The following SZT2 variants were observed in gnomAD, a reference collection of about 807,000 sequenced individuals.
SZT2 encodes KICSTOR complex protein SZT2.
In SZT2, 216 loss-of-function variants were observed where a neutral mutation model predicts 404.2. The ratio of observed to expected loss-of-function variants is 0.53; its 90% CI spans 0.48 to 0.60. The LOEUF (loss-of-function observed/expected upper bound fraction) is 0.60, where lower values mean the gene tolerates loss of function less well. SZT2 is among the 20% of genes least tolerant of loss of function. The pLI, the probability that SZT2 is intolerant of heterozygous loss-of-function variation, is 0.00. For missense variants in SZT2, 3,857 were observed against 4,459.2 expected (o/e 0.86, Z 3.85); for synonymous variants, 1,693 against 1,749.9 (o/e 0.97, Z 0.81).
Position 43,423,293 on chromosome 1 carries a change from G to A in SZT2, c.2232G>A (p.Lys744=). Residue 744 remains lysine (K), a synonymous_variant, in exon 15 of 72, where the codon AAG becomes AAA. Transcript: ENST00000634258. ...GGCCCTGCCTTGTGGTCCTGCATAA[G>A]CCACTGGACAAACTGCTCATCAGGT... ...SDRPCLVVLH[K]PLDKLLIRYE... 6.5e-7 allele frequency: 1 copy of A among 1,546,044 alleles called. No individual in the cohort carries two copies. Among genetic ancestry groups the A allele is most frequent in the Admixed American group, 1.9e-5 (1 of 52,940 alleles).
chr1:43,408,702 C>A (rs1479111764), intron 4 of SZT2, among the ~76,000 whole-genome samples: 1 of 152,094 alleles, frequency 6.6e-6, no homozygotes, highest in African/African-American at 2.4e-5. Context: ...TTAGCCAGCC[C>A]CTACTTGGCC....
In SZT2 at chr1:43,450,947, C is replaced by T. The variant is rs759258052; in HGVS notation, c.*467C>T. Reference sequence around the variant, plus strand: ...TCGAGATGACACCTGGGTTCCAATCCCAGCTCTGCCTTTGAAGCACTTGTG... The same window carrying T: ...TCGAGATGACACCTGGGTTCCAATCTCAGCTCTGCCTTTGAAGCACTTGTG... On this transcript the variant is annotated 3_prime_UTR_variant, in exon 72 of 72. Transcript: ENST00000634258. The surrounding 1 kb of genome is among the most constrained non-coding windows in gnomAD (Gnocchi z 4.3). The T allele has an allele frequency of 5.3e-6, 4 of 759,362 alleles. No homozygotes were observed. Among genetic ancestry groups the T allele is most frequent in the Non-Finnish European group, 9.6e-6 (4 of 414,704 alleles). 47.0% of individuals were successfully genotyped at this position (759,362 alleles called of 1,614,324 possible). A position where few individuals can be genotyped will look rare whatever the true frequency, so the allele number is the denominator to read the frequency against.
intron 4 of SZT2, among the ~76,000 whole-genome samples, chr1:43,408,248 C>T (rs747320847): frequency 6.6e-6 from 1 of 151,834 alleles, no homozygotes; most frequent in Non-Finnish European, 1.5e-5. Context: ...ATTCTAGACA[C>T]GTGATTTTAT....
At position 43,448,735 on chromosome 1, in the gene SZT2, C is replaced by T; in HGVS notation, c.10086+7C>T. 1.2e-6 allele frequency: 2 copies of T among 1,611,538 alleles called. No homozygotes were observed. The highest frequency in any genetic ancestry group is 1.7e-6 in the Non-Finnish European group (2 of 1,177,678). On this transcript the variant is annotated splice_region_variant and intron_variant, in intron 70 of 71. Coordinates refer to ENST00000634258, the MANE Select transcript of SZT2 (RefSeq NM_001365999.1). This position sits in a 1 kb window ranked among gnomAD's most constrained non-coding sequence, Gnocchi z 4.2. ...CTTGGGAACTCAGTACCTGGTAAGTCCCCTTGAGCTTCCTCTGAAAAGGGA... is the reference window on the plus strand; with the variant it reads ...CTTGGGAACTCAGTACCTGGTAAGTTCCCTTGAGCTTCCTCTGAAAAGGGA...
At chr1:43,422,655 ACCCCCCG>A in intron 13 of SZT2, 23 bp downstream of exon 13, 4 of 1,095,024 alleles carry the variant, frequency 3.7e-6, no homozygotes, top group East Asian at 5.5e-5. Context: ...ATGTCCCTTC[ACCCCCCG>A]CCCCCCCACC....
rs1251729127 is a variant in SZT2 at position 43,448,461 on chromosome 1, A to T, written c.9946A>T (p.Ile3316Phe). The T allele has an allele frequency of 6.2e-6, 10 of 1,609,934 alleles. No homozygotes were observed. The highest frequency in any genetic ancestry group is 1.3e-5 in the African/African-American group (1 of 74,818). ...CCTAGAAGCAGTCCATGCCAAATCC[A>T]TTGGGGACATCGACCCCCAGCTGGT... ...ELLEAVHAKS[I>F]GDIDPQLDCF... The change falls in exon 69 of 72, where the codon ATT (isoleucine) becomes TTT (phenylalanine). Residue 3316 changes from isoleucine to phenylalanine, a missense_variant. Physicochemically the swap from Ile to Phe is conservative, Grantham distance 21. Around this residue, in one of 7 missense-constraint regions of SZT2, gnomAD observed 717 missense variants for 868.2 expected, o/e 0.83. Transcript: ENST00000634258. This position sits in a 1 kb window ranked among gnomAD's most constrained non-coding sequence, Gnocchi z 4.2.
rs1654736892 is a variant in SZT2 at position 43,438,749 on chromosome 1, G to A, written c.6559G>A (p.Glu2187Lys). The change falls in exon 47 of 72, where the codon GAG (glutamate) becomes AAG (lysine). Residue 2187 changes from glutamate (E) to lysine (K), a missense_variant. Physicochemically the swap from Glu to Lys is moderately conservative, Grantham distance 56 (BLOSUM62 1). Around this residue, in one of 7 missense-constraint regions of SZT2, gnomAD observed 261 missense variants for 372.9 expected, o/e 0.70. Coordinates refer to ENST00000634258, the MANE Select transcript of SZT2 (RefSeq NM_001365999.1). ...LVRVLCRRLD[E>K]ATLDVITVML... ...GCGAGTTCTATGTCGGCGCCTGGAT[G>A]AGGCCACGCTGGACGTCATCACAGT... The A allele has an allele frequency of 1.2e-6, 2 of 1,614,174 alleles. No homozygotes were observed. Among genetic ancestry groups the A allele is most frequent in the Non-Finnish European group, 1.7e-6 (2 of 1,180,020 alleles).
At chr1:43,440,732 C>A in intron 52 of SZT2, 146 bp downstream of exon 52, 1 of 1,162,420 alleles carries the variant, frequency 8.6e-7, no homozygotes, top group Non-Finnish European at 1.1e-6. Context: ...GACACCATGG[C>A]GTGTACCTTT....
rs1248672718 is a variant in SZT2 at position 43,453,595 on chromosome 1, C to T, written c.*3115C>T. 6 of 1,524,882 alleles carry T rather than the reference C, an allele frequency of 3.9e-6. No individual in the cohort carries two copies. In the South Asian group the frequency reaches 7.4e-5, roughly 19 times the overall value. The allele number at this position is 1,524,882 out of a possible 1,614,324, so 94.5% of individuals were successfully genotyped here. On this transcript the variant is annotated 3_prime_UTR_variant, in exon 72 of 72. Coordinates refer to ENST00000634258, the MANE Select transcript of SZT2 (RefSeq NM_001365999.1). Reference sequence around the variant, plus strand: ...CCAGCCCTCCCGGCCCGCGACGCACCCGGGGGCGTGTTGATCAGTACAAGC... The same window carrying T: ...CCAGCCCTCCCGGCCCGCGACGCACTCGGGGGCGTGTTGATCAGTACAAGC...
Position 43,437,788 on chromosome 1 carries a change from T to C in SZT2, c.6397-3T>C. The stretch of plus-strand genomic sequence containing the variant: ...GGGGCCCTGACCACAGTTTTCCCTG[T>C]AGGGTCCTCGTTCTCCCTTAGACAT... On this transcript the variant is annotated splice_region_variant and splice_polypyrimidine_tract_variant and intron_variant, in intron 45 of 71. Coordinates refer to ENST00000634258, the MANE Select transcript of SZT2 (RefSeq NM_001365999.1). The surrounding 1 kb of genome is among the most constrained non-coding windows in gnomAD (Gnocchi z 5.3). 6.2e-7 allele frequency: 1 copy of C among 1,614,168 alleles called. No homozygotes were observed. Among genetic ancestry groups the C allele is most frequent in the Non-Finnish European group, 8.5e-7 (1 of 1,180,020 alleles).
intron 4 of SZT2, among the ~76,000 whole-genome samples, chr1:43,408,234 G>C (rs915490945): frequency 6.6e-6 from 1 of 151,910 alleles, no homozygotes; most frequent in Non-Finnish European, 1.5e-5. Flanking sequence ...GAATCAAGAG[G>C]CTCATTCTAG....
chr1:43,426,549 C>A lies in SZT2; in HGVS notation c.3214+11C>A. The A allele has an allele frequency of 6.4e-7, 1 of 1,553,306 alleles. No individual in the cohort carries two copies. Among genetic ancestry groups the A allele is most frequent in the Non-Finnish European group, 8.7e-7 (1 of 1,153,572 alleles). On this transcript the variant is annotated intron_variant, in intron 22 of 71. Coordinates refer to ENST00000634258, the MANE Select transcript of SZT2 (RefSeq NM_001365999.1). The surrounding 1 kb of genome is among the most constrained non-coding windows in gnomAD (Gnocchi z 4.9). ...CCTGCCACGTTCCAGGTGAGTTCCC[C>A]ACATCCTCCTGACACCAGACCCTGG...
chr1:43,427,650 A>T lies in SZT2; in HGVS notation c.3719A>T (p.Tyr1240Phe). The change falls in exon 26 of 72, where the codon TAC (tyrosine) becomes TTC (phenylalanine). Residue 1240 changes from tyrosine to phenylalanine, a missense_variant. This residue lies in a region of SZT2 where 1,725 missense variants were observed against 1,881.0 expected (regional missense o/e 0.92). Coordinates refer to ENST00000634258, the MANE Select transcript of SZT2 (RefSeq NM_001365999.1). The stretch of plus-strand genomic sequence containing the variant: ...GGGCCCCGGACCCGGTGTCCTGTCT[A>T]CATCTACAGCTGTTCACTGGAAGCG... ...ADGPRTRCPVYIYSCSLEALR... is the reference protein window; with the variant it reads ...ADGPRTRCPVFIYSCSLEALR... 1.2e-6 allele frequency: 2 copies of T among 1,614,182 alleles called. No individual in the cohort carries two copies. Among genetic ancestry groups the T allele is most frequent in the Non-Finnish European group, 1.7e-6 (2 of 1,180,036 alleles).
intron 11 of SZT2, 63 bp downstream of exon 11, chr1:43,421,366 G>T: frequency 6.4e-7 from 1 of 1,572,472 alleles, no homozygotes; most frequent in Non-Finnish European, 8.6e-7. Context: ...AGCATCTGGA[G>T]CCCAGGACCA....
rs779392510 is a variant in SZT2, at chr1:43,430,054, C to T, written c.4352C>T (p.Pro1451Leu). 4.2e-5 allele frequency: 68 copies of T among 1,614,046 alleles called. No individual in the cohort carries two copies. In the East Asian group the frequency reaches 1.4e-3, roughly 34 times the overall value. Residue 1451 changes from proline (P) to leucine (L), a missense_variant, in exon 30 of 72, where the codon CCT becomes CTT. Transcript: ENST00000634258. Reference sequence around the variant, plus strand: ...AGTCGTCTCCACTTCCGCACAGTGCCTTCCAATCCCCACTACTTCTTCTAT... The same window carrying T: ...AGTCGTCTCCACTTCCGCACAGTGCTTTCCAATCCCCACTACTTCTTCTAT... ...EISRLHFRTV[P>L]SNPHYFFYCP...
intron 3 of SZT2, 28 bp from the exon 4 acceptor site, chr1:43,404,352 C>T: frequency 6.3e-7 from 1 of 1,598,038 alleles, no homozygotes; most frequent in Non-Finnish European, 8.5e-7. Context: ...CCTTTGGACC[C>T]CCTTGAGTGC....
chr1:43,437,987 C>A lies in SZT2; in HGVS notation c.6508+85C>A. On this transcript the variant is annotated intron_variant, in intron 46 of 71. Transcript: ENST00000634258. The surrounding 1 kb of genome is among the most constrained non-coding windows in gnomAD (Gnocchi z 5.3). ...TTCTCTTAGAACCTTGCAAGCATTA[C>A]ACTAGAAGTTATGTAACAGTCTCAG... 1 of 1,351,152 alleles carries A rather than the reference C, an allele frequency of 7.4e-7. No homozygotes were observed. The highest frequency in any genetic ancestry group is 1.1e-6 in the Non-Finnish European group (1 of 950,120). 83.7% of individuals were successfully genotyped at this position (1,351,152 alleles called of 1,614,324 possible).
At position 43,404,443 on chromosome 1, in the gene SZT2, G is replaced by T. The variant is rs760925618; in HGVS notation, c.391G>T (p.Gly131Trp). 1.2e-6 allele frequency: 2 copies of T among 1,614,036 alleles called. No individual in the cohort carries two copies. Among genetic ancestry groups the T allele is most frequent in the Non-Finnish European group, 1.7e-6 (2 of 1,180,006 alleles). The part of the protein sequence containing the change: ...VFHALSRCLG[G>W]LLRPFRVPGS... ...CCATGCCCTGTCCCGCTGCTTAGGC[G>T]GGCTGCTTCGGCCCTTCCGAGTGCC... Residue 131 changes from glycine (G) to tryptophan (W), a missense_variant, in exon 4 of 72, where the codon GGG (glycine) becomes TGG (tryptophan). Physicochemically the swap from Gly to Trp is radical, Grantham distance 184. Transcript: ENST00000634258.
Position 43,450,188 on chromosome 1 carries a change from G to A in SZT2, c.10155+17G>A, listed in dbSNP as rs745337446. On this transcript the variant is annotated intron_variant, in intron 71 of 71. Transcript: ENST00000634258. This position sits in a 1 kb window ranked among gnomAD's most constrained non-coding sequence, Gnocchi z 4.3. ...GGAAAGACGGTAAGAACGAGTGGGG[G>A]GCTTTGTGTCAGCCTCATGGGAGGC... 5.0e-6 allele frequency: 8 copies of A among 1,613,976 alleles called. No homozygotes were observed. The highest frequency in any genetic ancestry group is 1.3e-5 in the African/African-American group (1 of 74,898).
Sources: gnomAD v4.1 joint callset for allele counts (sites outside exome capture counted in the v4.1 genomes callset) on GRCh38, gnomAD v4.1.1 for gene constraint, gnomAD v4.1.1 regional missense constraint, Gnocchi (gnomAD v3.1) non-coding constraint, MANE v1.5 for transcripts, NCBI Gene and HGNC (gene_info 2026-07-23, HGNC 2026-07-21) for gene names.